The following TRHDE variants were observed in gnomAD, a reference collection of about 807,000 sequenced individuals.
The protein encoded by TRHDE is thyrotropin-releasing hormone-degrading ectoenzyme.
Under a neutral mutation model 125.7 loss-of-function variants are expected in TRHDE, and 72 were observed. The observed-to-expected ratio is 0.57, with a 90% confidence interval of 0.47 to 0.70. TRHDE has a LOEUF of 0.70. Among genes scored for constraint, TRHDE ranks in the 30% least tolerant of loss-of-function variants. TRHDE has a pLI of 0.00. For missense variants in TRHDE, 1,110 were observed against 1,327.1 expected, an observed-to-expected ratio of 0.84 and a Z score of 2.54; for synonymous variants, 509 against 509.1, an observed-to-expected ratio of 1.00 and a Z score of 0.00.
At chr12:72,105,578 T>A (rs1875168319) in intron 1 of TRHDE, 1 of 152,154 alleles carries the variant, frequency 6.6e-6, no homozygotes, top group Non-Finnish European at 1.5e-5. Context: ...TTATTTGAAG[T>A]GCTTTATATA....
At chr12:72,222,248 A>G (rs1878016500) in intron 2 of TRHDE, among the ~76,000 whole-genome samples, 1 of 152,116 alleles carries the variant, frequency 6.6e-6, no homozygotes. Flanking sequence ...ATATCAGGGT[A>G]AGAAGAGTAT....
chr12:72,111,419 T>A (rs1271837797), intron 2 of TRHDE, among the ~76,000 whole-genome samples: 1 of 152,132 alleles, frequency 6.6e-6, no homozygotes, highest in Non-Finnish European at 1.5e-5. Context: ...CTCAGTAGTT[T>A]AGAAAGGCTA....
chr12:72,585,087 C>T (rs1206440380), intron 12 of TRHDE, among the ~76,000 whole-genome samples: 3 of 152,146 alleles, frequency 2.0e-5, no homozygotes, highest in Non-Finnish European at 4.4e-5. Context: ...CAGTGTATAC[C>T]ATGGCTGTTG....
At chr12:72,624,611 A>G (rs145351794) in intron 15 of TRHDE, among the ~76,000 whole-genome samples, 131 of 152,038 alleles carry the variant, frequency 8.6e-4, no homozygotes, top group Admixed American at 2.2e-3. Context: ...AGTACAATGA[A>G]TAGCTAGAGA....
intron 18 of TRHDE, among the ~76,000 whole-genome samples, chr12:72,659,828 A>C (rs1313264598): frequency 1.3e-5 from 2 of 152,180 alleles, no homozygotes; most frequent in African/African-American, 4.8e-5. Context: ...AAACAAAAAC[A>C]AAAACTAATG....
At chr12:72,307,530 A>G (rs1868363480) in intron 2 of TRHDE, among the ~76,000 whole-genome samples, 1 of 152,096 alleles carries the variant, frequency 6.6e-6, no homozygotes, top group Admixed American at 6.6e-5. Context: ...TAGTGGGGTA[A>G]GGCTGGAGGC....
At chr12:72,278,790 T>C (rs1447093466) in intron 1 of TRHDE, among the ~76,000 whole-genome samples, 2 of 152,210 alleles carry the variant, frequency 1.3e-5, no homozygotes, top group African/African-American at 2.4e-5. Context: ...AAATCAGATT[T>C]TGTTTTTTCT....
upstream of TRHDE, among the ~76,000 whole-genome samples, chr12:72,269,375 A>G (rs955186677): frequency 9.9e-5 from 15 of 152,186 alleles, no homozygotes; most frequent in Admixed American, 9.8e-4. Flanking sequence ...TGTCCATTCT[A>G]TATTAATAAT....
chr12:72,161,666 G>A (rs746938345), intron 2 of TRHDE, among the ~76,000 whole-genome samples: 2 of 152,136 alleles, frequency 1.3e-5, no homozygotes, highest in African/African-American at 4.8e-5. Flanking sequence ...TGGAAGATAA[G>A]CTTTTTAGAT....
At chr12:72,570,822 G>T (rs68011183) in intron 10 of TRHDE, among the ~76,000 whole-genome samples, 40,521 of 152,086 alleles carry the variant, frequency 0.27, 8,141 homozygotes, top group African/African-American at 0.54. Context: ...TTGCACAGGC[G>T]GTGATATGAA....
At chr12:72,648,204 A>AT (rs1338125998) in intron 15 of TRHDE, among the ~76,000 whole-genome samples, 1 of 152,130 alleles carries the variant, frequency 6.6e-6, no homozygotes, top group Non-Finnish European at 1.5e-5. Context: ...TCCTTTCATG[A>AT]TAAAAAAAAA....
At chr12:72,134,286 G>A (rs1875932111) in intron 2 of TRHDE, among the ~76,000 whole-genome samples, 1 of 152,074 alleles carries the variant, frequency 6.6e-6, no homozygotes, top group South Asian at 2.1e-4. Flanking sequence ...CTACAAATAG[G>A]GGTGTCCTGA....
intron 2 of TRHDE, among the ~76,000 whole-genome samples, chr12:72,210,142 A>C (rs1877745508): frequency 6.6e-6 from 1 of 151,466 alleles, no homozygotes; most frequent in Admixed American, 6.6e-5. Context: ...AATATCTAGA[A>C]CCACAATGAT....
intron 2 of TRHDE, among the ~76,000 whole-genome samples, chr12:72,160,273 T>C (rs944468837): frequency 1.8e-4 from 27 of 152,246 alleles, no homozygotes; most frequent in African/African-American, 6.5e-4. Context: ...CAAAGTGTGG[T>C]CCACAAAACA....
intron 15 of TRHDE, among the ~76,000 whole-genome samples, chr12:72,647,842 A>G (rs888658354): frequency 3.3e-5 from 5 of 152,242 alleles, no homozygotes; most frequent in African/African-American, 9.6e-5. Context: ...AATTCTACCA[A>G]ACATTTAAAG....
rs1419929164 is a variant in TRHDE at position 72,597,787 on chromosome 12, A to G, written c.2322-21104A>G. 2.1e-5 allele frequency among the ~76,000 whole-genome samples: 3 copies of G among 143,874 alleles called. No homozygotes were observed. The East Asian group carries it at 6.0e-4, about 29-fold the overall frequency. 94.4% of individuals were successfully genotyped at this position (143,874 alleles called of 152,430 possible). A position where few individuals can be genotyped will look rare whatever the true frequency, so the allele number is the denominator to read the frequency against. ...TACACACACAAATACATATGTATAT[A>G]GATATATATTCTGAAATAGAAACTA... On this transcript the variant is annotated intron_variant, in intron 12 of 18. Transcript: ENST00000261180.
chr12:72,386,581 A>C (rs867952066), intron 3 of TRHDE, among the ~76,000 whole-genome samples: 3 of 152,118 alleles, frequency 2.0e-5, no homozygotes, highest in Middle Eastern at 3.2e-3. Context: ...ACACACATGC[A>C]CATTCACTCC....
chr12:72,348,008 G>A (rs952437923), intron 2 of TRHDE, among the ~76,000 whole-genome samples: 5 of 151,928 alleles, frequency 3.3e-5, no homozygotes, highest in African/African-American at 1.2e-4. Context: ...GATTGTTTAT[G>A]TAAGGATTTG....
chr12:72,363,328 T>G (rs1355856827), intron 2 of TRHDE, among the ~76,000 whole-genome samples: 1 of 139,474 alleles, frequency 7.2e-6, no homozygotes, highest in African/African-American at 2.6e-5. Context: ...AAAAAAGAAT[T>G]TTAGTCCAAT....
Sources: gnomAD v4.1 joint callset for allele counts (sites outside exome capture counted in the v4.1 genomes callset) on GRCh38, gnomAD v4.1.1 for gene constraint, MANE v1.5 for transcripts, NCBI Gene and HGNC (gene_info 2026-07-23, HGNC 2026-07-21) for gene names.